NEK11: variants seen among roughly 807,000 people sequenced by gnomAD.
NEK11 encodes the protein serine/threonine-protein kinase Nek11.
A neutral mutation model predicts 80.7 loss-of-function variants in NEK11; 72 were observed. The ratio of observed to expected loss-of-function variants is 0.89; its 90% CI spans 0.74 to 1.08. The LOEUF is 1.08. Ranked by LOEUF, NEK11 falls within the 50% of genes least tolerant of loss-of-function variation. NEK11 has a pLI of 0.00. For synonymous variants in NEK11, 251 were observed against 260.7 expected, an observed-to-expected ratio of 0.96 and a Z score of 0.36; for missense variants, 764 against 763.6, an observed-to-expected ratio of 1.00 and a Z score of -0.01.
At chr3:131,243,553 T>G in intron 16 of NEK11, 57 bp downstream of exon 16, 1 of 1,424,482 alleles carries the variant, frequency 7.0e-7, no homozygotes, top group South Asian at 1.2e-5. Context: ...TATCTTGGAA[T>G]AACTTGGAAG....
intron 4 of NEK11, among the ~76,000 whole-genome samples, chr3:131,088,595 C>T (rs1431225835): frequency 1.3e-5 from 2 of 151,332 alleles, no homozygotes; most frequent in South Asian, 2.1e-4. Flanking sequence ...TTTTAAAAAA[C>T]CCTGTGCTTT....
chr3:131,216,410 T>A (rs1334742125), intron 14 of NEK11, among the ~76,000 whole-genome samples: 1 of 152,204 alleles, frequency 6.6e-6, no homozygotes, highest in Non-Finnish European at 1.5e-5. Context: ...GAGGGCCTCA[T>A]TGAAAGGGGA....
intron 17 of NEK11, among the ~76,000 whole-genome samples, chr3:131,346,538 G>A (rs2097365453): frequency 6.6e-6 from 1 of 152,092 alleles, no homozygotes. Context: ...CATGGAGTAG[G>A]TATACGACTG....
At chr3:131,220,182 G>A (rs77927608) in intron 14 of NEK11, among the ~76,000 whole-genome samples, 1,785 of 152,208 alleles carry the variant, frequency 0.012, 37 homozygotes, top group African/African-American at 0.041. Flanking sequence ...GCTTCTGGGG[G>A]AAATTGAGGC....
At chr3:131,338,986 A>T (rs1561626099) in intron 17 of NEK11, among the ~76,000 whole-genome samples, 1 of 148,098 alleles carries the variant, frequency 6.8e-6, no homozygotes, top group African/African-American at 2.7e-5. Context: ...TGTTATATAT[A>T]TTTTTTTATC....
intron 10 of NEK11, among the ~76,000 whole-genome samples, chr3:131,159,270 GT>G (rs2091199513): frequency 1.3e-5 from 2 of 152,170 alleles, no homozygotes; most frequent in South Asian, 4.1e-4. Context: ...CGTAGCAAGG[GT>G]TCTGAGACAG....
In NEK11 at chr3:131,167,489, C is replaced by T. The variant is rs2092336076; in HGVS notation, c.1177-1341C>T. ...ACCTTTTTTGCTTTTCTTCTTTGAC[C>T]CTTCAAGATCACCATGTTTGTGTTC... On this transcript the variant is annotated intron_variant, in intron 12 of 17. Coordinates refer to ENST00000383366, the MANE Select transcript of NEK11 (RefSeq NM_024800.5). Among the ~76,000 whole-genome samples, 3 of 152,010 alleles carry T rather than the reference C, an allele frequency of 2.0e-5. No homozygotes were observed. The South Asian group carries it at 6.2e-4, about 32-fold the overall frequency.
intron 17 of NEK11, among the ~76,000 whole-genome samples, chr3:131,338,949 G>C (rs910091890): frequency 1.3e-5 from 2 of 152,132 alleles, no homozygotes; most frequent in African/African-American, 4.8e-5. Context: ...CAAACTCATA[G>C]AGCTGTACAT....
chr3:131,315,296 C>G (rs2096825219), intron 17 of NEK11, among the ~76,000 whole-genome samples: 2 of 152,070 alleles, frequency 1.3e-5, no homozygotes, highest in Non-Finnish European at 1.5e-5. Context: ...AGCCACCATT[C>G]TATTCTCTGT....
intron 4 of NEK11, among the ~76,000 whole-genome samples, chr3:131,091,148 T>G (rs1306088074): frequency 6.6e-6 from 1 of 152,204 alleles, no homozygotes; most frequent in East Asian, 1.9e-4. Context: ...AAGAATAACT[T>G]AAGAAGCACA....
intron 5 of NEK11, among the ~76,000 whole-genome samples, chr3:131,124,028 T>C (rs2082847619): frequency 6.6e-6 from 1 of 152,202 alleles, no homozygotes. Flanking sequence ...TGTTTGGCTT[T>C]TGTAGTCAGA....
At chr3:131,156,854 TA>T (rs1278355226) in intron 10 of NEK11, among the ~76,000 whole-genome samples, 1 of 151,962 alleles carries the variant, frequency 6.6e-6, no homozygotes, top group African/African-American at 2.4e-5. Flanking sequence ...CTTTTTCAGT[TA>T]AGGAAATATG....
chr3:131,193,823 A>C (rs1446261813), intron 14 of NEK11, among the ~76,000 whole-genome samples: 1 of 152,162 alleles, frequency 6.6e-6, no homozygotes, highest in South Asian at 2.1e-4. Flanking sequence ...TTCTCCCAAG[A>C]GTTTGAGAGT....
chr3:131,297,867 C>T (rs912249392), intron 17 of NEK11, among the ~76,000 whole-genome samples: 54 of 152,160 alleles, frequency 3.5e-4, no homozygotes, highest in East Asian at 1.3e-3. Context: ...GATCCAGTTT[C>T]GGCTTTCTAC....
chr3:131,071,149 T>G (rs1255239260), intron 3 of NEK11, among the ~76,000 whole-genome samples: 2 of 152,176 alleles, frequency 1.3e-5, no homozygotes, highest in Non-Finnish European at 2.9e-5. Flanking sequence ...GCCATTTTTT[T>G]GTCTATGCTA....
chr3:131,040,429 A>G (rs971733275), intron 3 of NEK11, among the ~76,000 whole-genome samples: 8 of 152,324 alleles, frequency 5.3e-5, no homozygotes, highest in African/African-American at 1.9e-4. Flanking sequence ...GTATATACAT[A>G]TATCAAAATT....
At chr3:131,065,752 G>C (rs2071807077) in intron 3 of NEK11, among the ~76,000 whole-genome samples, 1 of 152,092 alleles carries the variant, frequency 6.6e-6, no homozygotes, top group African/African-American at 2.4e-5. Context: ...ATTTAGTCTT[G>C]GTGATTTCCA....
At chr3:131,170,318 T>A (rs762811883) in intron 13 of NEK11, among the ~76,000 whole-genome samples, 1 of 152,220 alleles carries the variant, frequency 6.6e-6, no homozygotes, top group Admixed American at 6.5e-5. Context: ...TTTAGGAAAT[T>A]GGAATTCATA....
chr3:131,092,680 A>C (rs959741290), intron 4 of NEK11: 3 of 152,236 alleles, frequency 2.0e-5, no homozygotes, highest in African/African-American at 7.2e-5. Flanking sequence ...AGAGTCAGCT[A>C]TAGTAGCTAA....
Sources: allele counts gnomAD v4.1 joint callset (sites outside exome capture counted in the v4.1 genomes callset), GRCh38; gene constraint gnomAD v4.1.1; transcripts MANE v1.5; gene names NCBI Gene and HGNC (gene_info 2026-07-23, HGNC 2026-07-21).